The following GARNL3 variants were observed in gnomAD, a reference collection of about 807,000 sequenced individuals.
GARNL3 encodes the protein GTPase-activating Rap/Ran-GAP domain-like protein 3.
A neutral mutation model predicts 125.0 loss-of-function variants in GARNL3; 63 were observed. The observed-to-expected ratio is 0.50, with a 90% CI of 0.41 to 0.62. The LOEUF (loss-of-function observed/expected upper bound fraction) is 0.62. Among genes scored for constraint, GARNL3 ranks in the 20% least tolerant of loss-of-function variants. The pLI, the probability that GARNL3 is intolerant of heterozygous loss-of-function variation, is 0.00. For synonymous variants in GARNL3, 439 were observed against 457.5 expected (o/e 0.96, Z 0.52); for missense variants, 994 against 1,244.0 (o/e 0.80, Z 3.02).
chr9:127,277,060 G>T (rs2063975739), intron 1 of GARNL3, among the ~76,000 whole-genome samples: 1 of 152,212 alleles, frequency 6.6e-6, no homozygotes, highest in Non-Finnish European at 1.5e-5. Flanking sequence ...TGATCTTGCT[G>T]CTGTTACAGG....
chr9:127,277,284 T>C (rs2063980845), intron 1 of GARNL3, among the ~76,000 whole-genome samples: 1 of 152,026 alleles, frequency 6.6e-6, no homozygotes, highest in Admixed American at 6.6e-5. Context: ...TTTGCTTCTA[T>C]GTAGTCCTTC....
intron 6 of GARNL3, among the ~76,000 whole-genome samples, chr9:127,324,066 A>G (rs2065488028): frequency 6.6e-6 from 1 of 152,098 alleles, no homozygotes. Flanking sequence ...TCTGGGCAAT[A>G]TAGTGGAACC....
At chr9:127,244,713 T>C (rs1346796299) in intron 2 of GARNL3, among the ~76,000 whole-genome samples, 1 of 152,244 alleles carries the variant, frequency 6.6e-6, no homozygotes, top group African/African-American at 2.4e-5. Context: ...ACAGCTCTTA[T>C]GCACTGAAGA....
intron 1 of GARNL3, among the ~76,000 whole-genome samples, chr9:127,290,778 C>T (rs1380576879): frequency 6.6e-6 from 1 of 152,226 alleles, no homozygotes; most frequent in Non-Finnish European, 1.5e-5. Flanking sequence ...TCTTGCCAGC[C>T]ACTAATTGTT....
At chr9:127,238,684 C>G (rs542039865) in intron 1 of GARNL3, among the ~76,000 whole-genome samples, 10 of 152,180 alleles carry the variant, frequency 6.6e-5, no homozygotes, top group Non-Finnish European at 1.0e-4. Context: ...ATCCTAGAGC[C>G]TTCTGAAATC....
intron 7 of GARNL3, among the ~76,000 whole-genome samples, chr9:127,325,703 C>T (rs2065548462): frequency 6.6e-6 from 1 of 152,116 alleles, no homozygotes; most frequent in African/African-American, 2.4e-5. Flanking sequence ...ATCCTGGTGA[C>T]ACCTCTTCAT....
At position 127,392,978 on chromosome 9, in the gene GARNL3, T is replaced by G. The variant is rs4074695; in HGVS notation, c.2871-105T>G. The G allele has an allele frequency of 0.56, 509,698 of 910,040 alleles. 144,708 individuals are homozygous for G. The highest frequency in any genetic ancestry group is 0.67 in the South Asian group (36,023 of 54,020). 56.4% of individuals were successfully genotyped at this position (910,040 alleles called of 1,614,324 possible). ...CTACCACATAACAGTGAGGGTTTGG[T>G]GAGCCAAACTCATGAGCTCAGATGA... On this transcript the variant is annotated intron_variant, in intron 27 of 27. Transcript: ENST00000373387. This position sits in a 1 kb window ranked among gnomAD's most constrained non-coding sequence, Gnocchi z 5.2.
chr9:127,306,584 G>A (rs1247068626), intron 2 of GARNL3, among the ~76,000 whole-genome samples: 3 of 152,184 alleles, frequency 2.0e-5, no homozygotes, highest in African/African-American at 4.8e-5. Flanking sequence ...AAAATTAGCC[G>A]GGCGTGGTGG....
At chr9:127,295,031 G>A (rs1416957973) in intron 2 of GARNL3, among the ~76,000 whole-genome samples, 1 of 152,216 alleles carries the variant, frequency 6.6e-6, no homozygotes, top group Non-Finnish European at 1.5e-5. Context: ...TCTGAACAGT[G>A]CTTCTCAGAC....
intron 9 of GARNL3, among the ~76,000 whole-genome samples, chr9:127,333,733 A>T (rs2131578039): frequency 6.6e-6 from 1 of 152,048 alleles, no homozygotes; most frequent in East Asian, 1.9e-4. Context: ...AAACTAAGAG[A>T]ATTTGTTTAT....
At chr9:127,380,198 A>ATTGTGTG (rs1458335111) in intron 22 of GARNL3, among the ~76,000 whole-genome samples, 2 of 69,234 alleles carry the variant, frequency 2.9e-5, no homozygotes, top group Admixed American at 1.5e-4. Context: ...GTCTCAAAAA[A>ATTGTGTG]TATGTGTGTG....
chr9:127,231,046 A>AT (rs1400588484), intron 1 of GARNL3, among the ~76,000 whole-genome samples: 68 of 45,222 alleles, frequency 1.5e-3, no homozygotes, highest in African/African-American at 6.9e-3. Context: ...ATATATATAT[A>AT]TATATTTTTT....
chr9:127,302,004 G>A (rs138628514), intron 2 of GARNL3, among the ~76,000 whole-genome samples: 1,404 of 135,038 alleles, frequency 0.01, 18 homozygotes, highest in African/African-American at 0.037. Context: ...GTGCAGTGGC[G>A]TGATCTCGGC....
intron 22 of GARNL3, among the ~76,000 whole-genome samples, chr9:127,368,396 T>A (rs1052265887): frequency 4.7e-5 from 7 of 149,936 alleles, no homozygotes; most frequent in Admixed American, 1.3e-4. Flanking sequence ...AGTGGCACAA[T>A]CTCGGCTCAC....
chr9:127,263,988 A>G, upstream of GARNL3: 3 of 1,525,882 alleles, frequency 2.0e-6, no homozygotes, highest in South Asian at 1.2e-5. Flanking sequence ...CCTTTTAAGG[A>G]AGGATGAAAA....
chr9:127,313,679 C>G, intron 4 of GARNL3, 120 bp downstream of exon 4: 1 of 753,576 alleles, frequency 1.3e-6, no homozygotes, highest in Non-Finnish European at 2.4e-6. Flanking sequence ...TCTCGTGATT[C>G]ACCTCTGAGA....
At chr9:127,256,546 A>G (rs2063498391) in intron 2 of GARNL3, among the ~76,000 whole-genome samples, 1 of 152,238 alleles carries the variant, frequency 6.6e-6, no homozygotes, top group South Asian at 2.1e-4. Context: ...TGTAAGCTGT[A>G]TGAGAGCAGG....
chr9:127,284,773 T>A (rs552145391), intron 1 of GARNL3, among the ~76,000 whole-genome samples: 1 of 151,364 alleles, frequency 6.6e-6, no homozygotes, highest in Non-Finnish European at 1.5e-5. Flanking sequence ...ATAAATAAAT[T>A]TATACATGCA....
At chr9:127,366,327 G>A (rs562895378) in intron 22 of GARNL3, among the ~76,000 whole-genome samples, 87 of 152,266 alleles carry the variant, frequency 5.7e-4, no homozygotes, top group African/African-American at 2.0e-3. Flanking sequence ...ATTGCTCTTT[G>A]GGGACATTTT....
Sources: gnomAD v4.1 joint callset for allele counts (sites outside exome capture counted in the v4.1 genomes callset) on GRCh38, gnomAD v4.1.1 for gene constraint, Gnocchi (gnomAD v3.1) non-coding constraint, MANE v1.5 for transcripts, NCBI Gene and HGNC (gene_info 2026-07-23, HGNC 2026-07-21) for gene names.